The following TINAG variants were observed in gnomAD, a reference collection of about 807,000 sequenced individuals.
The protein encoded by TINAG is tubulointerstitial nephritis antigen.
TINAG carries 83 observed loss-of-function variants against 72.7 expected under a neutral mutation model. The ratio of observed to expected loss-of-function variants is 1.14; its 90% CI spans 0.96 to 1.37. The LOEUF (loss-of-function observed/expected upper bound fraction) is 1.37. TINAG is among the 40% of genes most tolerant of loss of function. The pLI is 0.00. For missense variants in TINAG, 685 were observed against 576.6 expected (o/e 1.19, Z -1.93); for synonymous variants, 234 against 189.9 (o/e 1.23, Z -1.91).
At chr6:54,317,286 C>T (rs1379732397) in intron 1 of TINAG, among the ~76,000 whole-genome samples, 1 of 151,906 alleles carries the variant, frequency 6.6e-6, no homozygotes, top group Non-Finnish European at 1.5e-5. Flanking sequence ...TTCTTTTCTC[C>T]TGGTGATATG....
At chr6:54,347,286 G>A (rs1785144760) in intron 5 of TINAG, 81 bp from the exon 6 acceptor site, 1 of 1,412,922 alleles carries the variant, frequency 7.1e-7, no homozygotes, top group East Asian at 2.4e-5. Context: ...ACTACGTTAG[G>A]GTTCAAACAA....
intron 9 of TINAG, among the ~76,000 whole-genome samples, chr6:54,378,273 T>C (rs901174950): frequency 1.3e-5 from 2 of 152,176 alleles, no homozygotes; most frequent in Non-Finnish European, 2.9e-5. Flanking sequence ...AACTATTAGA[T>C]TCAGTTGCCA....
chr6:54,336,249 A>T (rs1429571398), intron 4 of TINAG, among the ~76,000 whole-genome samples: 1 of 152,164 alleles, frequency 6.6e-6, no homozygotes, highest in Non-Finnish European at 1.5e-5. Context: ...GTTTAAATAA[A>T]TGTTATTATG....
intron 1 of TINAG, among the ~76,000 whole-genome samples, chr6:54,310,965 C>T (rs1784243034): frequency 6.8e-6 from 1 of 147,494 alleles, no homozygotes; most frequent in Admixed American, 6.9e-5. Context: ...CTCTTCTTTC[C>T]TTTCTCTCCC....
rs373705465 is a variant in TINAG at position 54,343,313 on chromosome 6, A to G, written c.712A>G (p.Lys238Glu). 23 of 1,568,716 alleles carry G rather than the reference A, an allele frequency of 1.5e-5. No homozygotes were observed. In the African/African-American group the frequency reaches 2.3e-4, roughly 16 times the overall value. ...PGWTHGPLDQ[K>E]NCAASWAFST... Reference sequence around the variant, plus strand: ...ATGGACTCATGGCCCATTGGATCAAAAAAATTGTGCTGCATCCTGGGCATT... The same window carrying G: ...ATGGACTCATGGCCCATTGGATCAAGAAAATTGTGCTGCATCCTGGGCATT... Residue 238 changes from lysine to glutamate, a missense_variant, in exon 5 of 11, where the codon AAA becomes GAA. Physicochemically the swap from Lys to Glu is moderately conservative, Grantham distance 56. Coordinates refer to ENST00000259782, the MANE Select transcript of TINAG (RefSeq NM_014464.4).
At chr6:54,308,407 A>C (rs1013540050), upstream of TINAG, 1 of 672,742 alleles carries the variant, frequency 1.5e-6, no homozygotes, top group African/African-American at 1.8e-5. Context: ...AACTATGAGA[A>C]GTATACTCAT....
intron 9 of TINAG, among the ~76,000 whole-genome samples, chr6:54,373,354 G>T (rs193002357): frequency 6.6e-6 from 1 of 151,976 alleles, no homozygotes; most frequent in Non-Finnish European, 1.5e-5. Context: ...TCTCAGATAC[G>T]CATTCATTTC....
At chr6:54,343,545 T>A (rs934733969) in intron 5 of TINAG, among the ~76,000 whole-genome samples, 196 bp downstream of exon 5, 15 of 151,524 alleles carry the variant, frequency 9.9e-5, no homozygotes, top group Admixed American at 3.3e-4. Context: ...TTTTTTTTTT[T>A]ATTTTAGGGT....
chr6:54,331,171 G>A (rs1263972360), intron 4 of TINAG, among the ~76,000 whole-genome samples: 1 of 151,988 alleles, frequency 6.6e-6, no homozygotes, highest in South Asian at 2.1e-4. Context: ...AAATTTCAGG[G>A]CAATATCCCT....
intron 4 of TINAG, among the ~76,000 whole-genome samples, chr6:54,329,635 A>G (rs549275868): frequency 6.6e-6 from 1 of 152,314 alleles, no homozygotes; most frequent in South Asian, 2.1e-4. Context: ...TTAACTTTAA[A>G]TGTAAATGGG....
intron 9 of TINAG, among the ~76,000 whole-genome samples, chr6:54,357,347 T>G (rs2150964655): frequency 6.6e-6 from 1 of 152,028 alleles, no homozygotes. Flanking sequence ...TGGCTTTAAG[T>G]GCCATCTAAA....
intron 4 of TINAG, among the ~76,000 whole-genome samples, chr6:54,332,038 C>T (rs1032761927): frequency 2.0e-5 from 3 of 152,186 alleles, no homozygotes; most frequent in Admixed American, 6.5e-5. Flanking sequence ...AATGACCATA[C>T]TGCCTAAAGT....
At position 54,308,854 on chromosome 6, in the gene TINAG, T is replaced by C. The variant is rs761108452; in HGVS notation, c.304T>C (p.Cys102Arg). 10 of 1,613,644 alleles carry C rather than the reference T, an allele frequency of 6.2e-6. No individual in the cohort carries two copies. The Middle Eastern group carries it at 1.2e-3, about 186-fold the overall frequency. Reference protein sequence around the residue: ...SDCCPDYKSFCREEKEWPPHT... With the variant: ...SDCCPDYKSFRREEKEWPPHT... ...TTGCTGTCCTGACTACAAGTCCTTT[T>C]GCCGTGAAGAGAAAGAATGGCCTCC... is the stretch of plus-strand genomic sequence containing the variant. The change falls in exon 1 of 11, where the codon TGC (cysteine) becomes CGC (arginine). Residue 102 changes from cysteine (C) to arginine (R), a missense_variant. Coordinates refer to ENST00000259782, the MANE Select transcript of TINAG (RefSeq NM_014464.4).
rs1006887790 is a variant in TINAG at position 54,322,310 on chromosome 6, A to AAAAAC, written c.509+938_509+942dup. Among the ~76,000 whole-genome samples, 14 of 150,956 alleles carry AAAAAC rather than the reference A, an allele frequency of 9.3e-5. No individual in the cohort carries two copies. In the East Asian group the frequency reaches 1.5e-3, roughly 17 times the overall value. On this transcript the variant is annotated intron_variant, in intron 3 of 10. Transcript: ENST00000259782. ...GAATCGGGGGGTGAAACCCTGTCAA[A>AAAAAC]AAAACAAAACAAAACAAACAAACAA...
chr6:54,366,278 G>GTGT (rs1763414977), intron 9 of TINAG, among the ~76,000 whole-genome samples: 1 of 151,296 alleles, frequency 6.6e-6, no homozygotes, highest in South Asian at 2.1e-4. Flanking sequence ...GTGTGTGTGT[G>GTGT]AAAAGGAAAG....
At chr6:54,375,730 A>G (rs543294677) in intron 9 of TINAG, among the ~76,000 whole-genome samples, 27 of 152,296 alleles carry the variant, frequency 1.8e-4, no homozygotes, top group African/African-American at 6.3e-4. Flanking sequence ...TAAAAGAACA[A>G]ACAACGTTAC....
chr6:54,371,997 T>TTG (rs1385308077), intron 9 of TINAG, among the ~76,000 whole-genome samples: 1 of 142,176 alleles, frequency 7.0e-6, no homozygotes, highest in Non-Finnish European at 1.5e-5. Flanking sequence ...TTTTTTTTTT[T>TTG]TTTTTTTTTT....
intron 10 of TINAG, among the ~76,000 whole-genome samples, chr6:54,387,100 A>G (rs141213492): frequency 6.6e-6 from 1 of 152,302 alleles, no homozygotes; most frequent in East Asian, 1.9e-4. Context: ...AGAACTCTTA[A>G]ACAGAAACTT....
At chr6:54,326,525 C>T (rs1784606223) in intron 3 of TINAG, among the ~76,000 whole-genome samples, 1 of 151,894 alleles carries the variant, frequency 6.6e-6, no homozygotes, top group South Asian at 2.1e-4. Flanking sequence ...CATATATTGG[C>T]CTTATTAACA....
Sources: allele counts gnomAD v4.1 joint callset (sites outside exome capture counted in the v4.1 genomes callset), GRCh38; gene constraint gnomAD v4.1.1; transcripts MANE v1.5; gene names NCBI Gene and HGNC (gene_info 2026-07-23, HGNC 2026-07-21).